The following RALB variants were observed in gnomAD, a reference collection of about 807,000 sequenced individuals.
The protein encoded by RALB is RAS like proto-oncogene B, also known as ras-related protein Ral-B.
RALB carries 16 observed loss-of-function variants against 21.3 expected under a neutral mutation model. The ratio of observed to expected loss-of-function variants is 0.75; its 90% confidence interval spans 0.51 to 1.14. RALB has a LOEUF of 1.14. RALB is among the 50% of genes most tolerant of loss of function. The pLI, the probability that RALB is intolerant of heterozygous loss-of-function variation, is 0.00. For synonymous variants in RALB, 93 were observed against 96.1 expected (o/e 0.97, Z 0.19); for missense variants, 161 against 256.2 (o/e 0.63, Z 2.54).
chr2:120,259,259 T>C (rs1162215533), intron 1 of RALB, among the ~76,000 whole-genome samples: 1 of 152,220 alleles, frequency 6.6e-6, no homozygotes, highest in Non-Finnish European at 1.5e-5. Context: ...TATTCTCTTA[T>C]CTGGCCCCAC....
intron 3 of RALB, among the ~76,000 whole-genome samples, chr2:120,288,360 T>G (rs111545169): frequency 6.8e-6 from 1 of 146,418 alleles, no homozygotes; most frequent in African/African-American, 2.5e-5. Flanking sequence ...TTTTGTTTTT[T>G]TTTTTGTAGA....
chr2:120,272,442 A>G (rs1294165588), intron 1 of RALB, among the ~76,000 whole-genome samples: 1 of 152,198 alleles, frequency 6.6e-6, no homozygotes, highest in Admixed American at 6.5e-5. Flanking sequence ...AGGTGCACTG[A>G]TGGGTAGAGA....
chr2:120,280,298 C>G (rs1310931791), intron 2 of RALB, among the ~76,000 whole-genome samples: 1 of 152,068 alleles, frequency 6.6e-6, no homozygotes, highest in Non-Finnish European at 1.5e-5. Flanking sequence ...AGACATGGAA[C>G]CAACCCAAAT....
chr2:120,241,367 G>C (rs1355900848), intron 1 of RALB, among the ~76,000 whole-genome samples: 17 of 152,176 alleles, frequency 1.1e-4, no homozygotes, highest in Non-Finnish European at 1.9e-4. Context: ...AGCGGGGCTC[G>C]AAGGTGTGTG....
intron 1 of RALB, 30 bp downstream of exon 1, chr2:120,253,010 C>G: frequency 1.0e-6 from 1 of 981,464 alleles, no homozygotes; most frequent in Non-Finnish European, 1.2e-6. Flanking sequence ...GGGCCCCGGG[C>G]GGGGTGGGGC....
At chr2:120,279,593 A>G (rs1460783354) in intron 2 of RALB, among the ~76,000 whole-genome samples, 1 of 152,196 alleles carries the variant, frequency 6.6e-6, no homozygotes, top group Non-Finnish European at 1.5e-5. Context: ...TGTTACATGT[A>G]AATGCTGTGC....
upstream of RALB, among the ~76,000 whole-genome samples, chr2:120,250,802 G>T (rs763062306): frequency 6.6e-6 from 1 of 152,100 alleles, no homozygotes; most frequent in Non-Finnish European, 1.5e-5. Context: ...CCCTTCTCCC[G>T]TTGGGACACG....
chr2:120,289,709 C>A lies in RALB; in HGVS notation c.453C>A (p.Gly151=), dbSNP rs771807372. The change falls in exon 4 of 5, where the codon GGC becomes GGA. Residue 151 remains glycine (G), a synonymous_variant. Transcript: ENST00000272519. ...CCAGGAGTAAAGCCGAAGAGTGGGGCGTGCAGTACGTGGAGACGTCAGCGA... is the reference window on the plus strand; with the variant it reads ...CCAGGAGTAAAGCCGAAGAGTGGGGAGTGCAGTACGTGGAGACGTCAGCGA... The part of the protein sequence containing the change: ...EEARSKAEEW[G]VQYVETSAKT... The A allele has an allele frequency of 6.2e-7, 1 of 1,613,936 alleles. No homozygotes were observed. The highest frequency in any genetic ancestry group is 1.1e-5 in the South Asian group (1 of 91,078).
At chr2:120,242,523 A>G (rs1366968138) in intron 1 of RALB, among the ~76,000 whole-genome samples, 2 of 152,062 alleles carry the variant, frequency 1.3e-5, no homozygotes. Flanking sequence ...TCACGAGGTC[A>G]GGAGATCGAG....
At chr2:120,290,045 C>T (rs1010894467) in intron 4 of RALB, among the ~76,000 whole-genome samples, 1 of 152,166 alleles carries the variant, frequency 6.6e-6, no homozygotes, top group South Asian at 2.1e-4. Context: ...CACTGTGACA[C>T]CAGGCTGGAG....
chr2:120,254,466 C>T (rs1689146532), intron 1 of RALB, among the ~76,000 whole-genome samples: 1 of 152,100 alleles, frequency 6.6e-6, no homozygotes, highest in Non-Finnish European at 1.5e-5. Flanking sequence ...GAACATTTTC[C>T]CAGGATTGTG....
At chr2:120,259,534 C>T (rs991655751) in intron 1 of RALB, among the ~76,000 whole-genome samples, 3 of 152,070 alleles carry the variant, frequency 2.0e-5, no homozygotes, top group African/African-American at 4.8e-5. Context: ...AGACTCTCCA[C>T]GTCCTCACCA....
intron 1 of RALB, among the ~76,000 whole-genome samples, chr2:120,245,624 T>A (rs1688958077): frequency 1.3e-5 from 2 of 152,010 alleles, no homozygotes; most frequent in African/African-American, 4.8e-5. Context: ...TGCTCCGGGG[T>A]GTGTACAGCT....
At chr2:120,270,355 G>A (rs1689631394) in intron 1 of RALB, among the ~76,000 whole-genome samples, 1 of 152,154 alleles carries the variant, frequency 6.6e-6, no homozygotes, top group Non-Finnish European at 1.5e-5. Context: ...TTGAGTTTGA[G>A]CTTTTGTAAA....
At position 120,247,214 on chromosome 2, in the gene RALB, G is replaced by A. The variant is rs867115951; in HGVS notation, c.19+7089G>A. Among the ~76,000 whole-genome samples the A allele has an allele frequency of 6.6e-5, 10 of 152,292 alleles. No individual in the cohort carries two copies. The South Asian group carries it at 1.2e-3, about 19-fold the overall frequency. ...GGGGATGAGCAATAGTGAGGAAGGC[G>A]TATGTCTCAGTTACAAGACAGACTT... On this transcript the variant is annotated intron_variant, in intron 1 of 3. Coordinates refer to the RALB transcript ENST00000447591.
intron 1 of RALB, among the ~76,000 whole-genome samples, chr2:120,246,155 A>G (rs970227167): frequency 2.0e-5 from 3 of 152,240 alleles, no homozygotes; most frequent in Non-Finnish European, 4.4e-5. Context: ...TGCTGCTCAT[A>G]AAAATTCACC....
chr2:120,269,995 A>G (rs75080099), intron 1 of RALB, among the ~76,000 whole-genome samples: 2,833 of 152,300 alleles, frequency 0.019, 94 homozygotes, highest in African/African-American at 0.065. Flanking sequence ...CTACTAGAGA[A>G]ATTGGGTTTA....
At chr2:120,245,008 G>A (rs72956834) in intron 1 of RALB, among the ~76,000 whole-genome samples, 5,846 of 152,306 alleles carry the variant, frequency 0.038, 367 homozygotes, top group African/African-American at 0.13. Context: ...TGTCTCTTTC[G>A]TCAGCCCTGG....
intron 1 of RALB, among the ~76,000 whole-genome samples, chr2:120,256,254 A>G (rs1017428041): frequency 6.6e-6 from 1 of 152,212 alleles, no homozygotes. Flanking sequence ...ATGTGGGCCT[A>G]TGCACAGGGC....
Sources: allele counts gnomAD v4.1 joint callset (sites outside exome capture counted in the v4.1 genomes callset), GRCh38; gene constraint gnomAD v4.1.1; transcripts MANE v1.5; gene names NCBI Gene and HGNC (gene_info 2026-07-23, HGNC 2026-07-21).